The following CRCP variants were observed in gnomAD, a reference collection of about 807,000 sequenced individuals.
CRCP encodes DNA-directed RNA polymerase III subunit RPC9.
CRCP carries 18 observed loss-of-function variants against 18.5 expected under a neutral mutation model. The ratio of observed to expected loss-of-function variants is 0.97; its 90% confidence interval spans 0.67 to 1.44. The LOEUF is 1.44. Among genes scored for constraint, CRCP ranks in the 40% most tolerant of loss-of-function variants. The pLI is 0.00. For missense variants in CRCP, 130 were observed against 176.4 expected (o/e 0.74, Z 1.49); for synonymous variants, 53 against 62.9 (o/e 0.84, Z 0.75).
At chr7:66,140,164 C>A (rs890929651) in intron 4 of CRCP, among the ~76,000 whole-genome samples, 1 of 152,146 alleles carries the variant, frequency 6.6e-6, no homozygotes, top group African/African-American at 2.4e-5. Flanking sequence ...AGTCTCCTGG[C>A]GAGAAAGATT....
intron 1 of CRCP, 75 bp downstream of exon 1, chr7:66,115,045 G>GCC: frequency 6.4e-7 from 1 of 1,567,840 alleles, no homozygotes; most frequent in East Asian, 2.3e-5. Flanking sequence ...AGAGCCGAGA[G>GCC]CCGTGGGGAC....
At chr7:66,149,942 G>A (rs1788406790) in intron 5 of CRCP, among the ~76,000 whole-genome samples, 4 of 152,024 alleles carry the variant, frequency 2.6e-5, no homozygotes, top group Admixed American at 2.6e-4. Flanking sequence ...GTGTAGCTGG[G>A]ACTACAGGCG....
chr7:66,122,855 C>T (rs1011361863), intron 1 of CRCP, among the ~76,000 whole-genome samples: 4 of 152,130 alleles, frequency 2.6e-5, no homozygotes, highest in African/African-American at 9.7e-5. Context: ...CCTCTGTGTG[C>T]ACAAGTCCCT....
At chr7:66,124,611 G>A (rs117134902) in intron 1 of CRCP, among the ~76,000 whole-genome samples, 1 of 148,612 alleles carries the variant, frequency 6.7e-6, no homozygotes, top group Non-Finnish European at 1.5e-5. Flanking sequence ...TTCAAACTCC[G>A]GGACGAAGTG....
chr7:66,149,153 T>A lies in CRCP; in HGVS notation c.298-3055T>A, dbSNP rs151300099. Among the ~76,000 whole-genome samples, 502 of 152,304 alleles carry A rather than the reference T, an allele frequency of 3.3e-3. 6 individuals carry two copies. The highest frequency in any genetic ancestry group is 3.0e-3 in the Admixed American group (46 of 15,300). ...CCCTTATGTTCTCAACTACCTGAAATGGTTGGTATCTGAGAACCTTGAGAT... is the reference window on the plus strand; with the variant it reads ...CCCTTATGTTCTCAACTACCTGAAAAGGTTGGTATCTGAGAACCTTGAGAT... On this transcript the variant is annotated intron_variant, in intron 5 of 5. Transcript: ENST00000395326.
intron 1 of CRCP, among the ~76,000 whole-genome samples, chr7:66,124,516 C>A (rs867535143): frequency 6.9e-6 from 1 of 144,346 alleles, no homozygotes; most frequent in Middle Eastern, 3.2e-3. Context: ...CCCTCCCTTC[C>A]TTCCTTCCTC....
intron 2 of CRCP, among the ~76,000 whole-genome samples, chr7:66,130,505 T>A (rs1031384052): frequency 6.6e-6 from 1 of 152,172 alleles, no homozygotes; most frequent in Admixed American, 6.6e-5. Flanking sequence ...TAGGAAATAT[T>A]TGAAATATTT....
At chr7:66,119,979 G>A (rs1040069052) in intron 1 of CRCP, among the ~76,000 whole-genome samples, 7 of 151,982 alleles carry the variant, frequency 4.6e-5, no homozygotes, top group Non-Finnish European at 7.4e-5. Context: ...TCAGGAGATC[G>A]AGACCATCCT....
intron 4 of CRCP, among the ~76,000 whole-genome samples, chr7:66,137,171 G>A (rs929200345): frequency 6.6e-6 from 1 of 152,044 alleles, no homozygotes; most frequent in Non-Finnish European, 1.5e-5. Context: ...CATGAAAACA[G>A]TGTAGCATAC....
chr7:66,147,233 T>C (rs1562772756), intron 5 of CRCP, among the ~76,000 whole-genome samples: 2 of 151,916 alleles, frequency 1.3e-5, no homozygotes, highest in Non-Finnish European at 2.9e-5. Flanking sequence ...TCCCAGCTAC[T>C]TGGGAGGCTG....
intron 4 of CRCP, among the ~76,000 whole-genome samples, chr7:66,136,997 C>T (rs959266942): frequency 5.0e-4 from 76 of 151,978 alleles, no homozygotes; most frequent in Non-Finnish European, 6.2e-4. Flanking sequence ...AGGAGAATCA[C>T]TTGAACCTGG....
Position 66,153,153 on chromosome 7 carries a change from A to G in CRCP, c.*796A>G, listed in dbSNP as rs1056607800. 3 of 152,716 alleles carry G rather than the reference A, an allele frequency of 2.0e-5. No homozygotes were observed. The highest frequency in any genetic ancestry group is 6.5e-5 in the Admixed American group (1 of 15,268). 9.5% of individuals were successfully genotyped at this position (152,716 alleles called of 1,614,324 possible). A position where few individuals can be genotyped will look rare whatever the true frequency, so the allele number is the denominator to read the frequency against. On this transcript the variant is annotated 3_prime_UTR_variant, in exon 6 of 6. Transcript: ENST00000395326. ...TGTTTGTTCCTTTAAAAAGGACACAATTAGCCTGGCACGGTGACTCATGCT... is the reference window on the plus strand; with the variant it reads ...TGTTTGTTCCTTTAAAAAGGACACAGTTAGCCTGGCACGGTGACTCATGCT...
chr7:66,152,469 T>C lies in CRCP; in HGVS notation c.*112T>C. On this transcript the variant is annotated 3_prime_UTR_variant, in exon 6 of 6. Coordinates refer to ENST00000395326, the MANE Select transcript of CRCP (RefSeq NM_014478.5). ...TTATCCTCATCCCAGCAGGCCTGGC[T>C]TTGTGGTTAGTTGGGTACATCACAA... 1.6e-6 allele frequency: 2 copies of C among 1,254,750 alleles called. No individual in the cohort carries two copies. Among genetic ancestry groups the C allele is most frequent in the Non-Finnish European group, 2.2e-6 (2 of 907,802 alleles). 77.7% of individuals were successfully genotyped at this position (1,254,750 alleles called of 1,614,324 possible). A position where few individuals can be genotyped will look rare whatever the true frequency, so the allele number is the denominator to read the frequency against.
chr7:66,145,868 C>A (rs1404809344), intron 5 of CRCP, among the ~76,000 whole-genome samples: 6 of 152,216 alleles, frequency 3.9e-5, no homozygotes, highest in African/African-American at 1.4e-4. Flanking sequence ...CCACCCTTCA[C>A]CCTGCTCTTG....
rs575509590 is a variant in CRCP at position 66,141,590 on chromosome 7, A to G, written c.240-3853A>G. 2.0e-5 allele frequency among the ~76,000 whole-genome samples: 3 copies of G among 152,246 alleles called. 1 individual carries two copies. In the South Asian group the frequency reaches 6.2e-4, roughly 32 times the overall value. ...AAATCCAGAAGGAGATGAAGAAGGG[A>G]GAGTCGGATCAGGAAAGAATTGAAA... is the stretch of plus-strand genomic sequence containing the variant. On this transcript the variant is annotated intron_variant, in intron 4 of 5. Transcript: ENST00000395326.
In CRCP at chr7:66,140,695, C is replaced by T. The variant is rs913038074; in HGVS notation, c.240-4748C>T. Reference sequence around the variant, plus strand: ...CATGAGTCACTGCGCCCGGCTGTGTCGAAATTTTTCACTGTAATCTGTGGA... The same window carrying T: ...CATGAGTCACTGCGCCCGGCTGTGTTGAAATTTTTCACTGTAATCTGTGGA... On this transcript the variant is annotated intron_variant, in intron 4 of 5. Coordinates refer to ENST00000395326, the MANE Select transcript of CRCP (RefSeq NM_014478.5). Among the ~76,000 whole-genome samples, 24 of 152,082 alleles carry T rather than the reference C, an allele frequency of 1.6e-4. 1 individual carries two copies. Among genetic ancestry groups the T allele is most frequent in the Admixed American group, 6.6e-5 (1 of 15,264 alleles).
chr7:66,115,465 G>T (rs980072151), intron 1 of CRCP, among the ~76,000 whole-genome samples: 1 of 152,190 alleles, frequency 6.6e-6, no homozygotes, highest in African/African-American at 2.4e-5. Context: ...TAAACACTGT[G>T]AGGGAAGGGG....
rs1222365350 is a variant in CRCP, at chr7:66,115,176, C to T, written c.8+206C>T. On this transcript the variant is annotated intron_variant, in intron 1 of 5. Coordinates refer to ENST00000395326, the MANE Select transcript of CRCP (RefSeq NM_014478.5). ...CTTCCGAACCTTCGCTTCCCCTCCA[C>T]GCCGTGTCTGGTGCGGGGCCGAGCA... Among the ~76,000 whole-genome samples the T allele has an allele frequency of 2.0e-5, 3 of 152,164 alleles. No homozygotes were observed. In the East Asian group the frequency reaches 5.8e-4, roughly 29 times the overall value.
intron 1 of CRCP, among the ~76,000 whole-genome samples, chr7:66,123,374 A>G (rs2115880387): frequency 6.6e-6 from 1 of 152,364 alleles, no homozygotes; most frequent in South Asian, 2.1e-4. Flanking sequence ...GCTGTAGAGC[A>G]GACAGTTCCT....
Sources: allele counts gnomAD v4.1 joint callset (sites outside exome capture counted in the v4.1 genomes callset), GRCh38; gene constraint gnomAD v4.1.1; transcripts MANE v1.5; gene names NCBI Gene and HGNC (gene_info 2026-07-23, HGNC 2026-07-21).